The following ATP7B variants were observed in gnomAD, a reference collection of about 807,000 sequenced individuals.
The protein encoded by ATP7B is ATPase copper transporting beta, also known as copper-transporting ATPase 2.
A neutral mutation model predicts 118.9 loss-of-function variants in ATP7B; 113 were observed. The ratio of observed to expected loss-of-function variants is 0.95; its 90% CI spans 0.82 to 1.11. The LOEUF (loss-of-function observed/expected upper bound fraction) is 1.11, where lower values mean the gene tolerates loss of function less well. Among genes scored for constraint, ATP7B ranks in the 50% most tolerant of loss-of-function variants. The pLI is 0.00. For missense variants in ATP7B, 1,867 were observed against 1,871.4 expected, an observed-to-expected ratio of 1.00 and a Z score of 0.04; for synonymous variants, 777 against 727.4, an observed-to-expected ratio of 1.07 and a Z score of -1.10.
intron 1 of ATP7B, among the ~76,000 whole-genome samples, chr13:51,986,606 G>C (rs1162981219): frequency 1.3e-5 from 2 of 152,024 alleles, no homozygotes; most frequent in Non-Finnish European, 1.5e-5. Flanking sequence ...TGCAGAGATA[G>C]AACAAAAAAA....
chr13:52,004,422 C>A (rs1953676995), intron 1 of ATP7B, among the ~76,000 whole-genome samples: 1 of 152,200 alleles, frequency 6.6e-6, no homozygotes, highest in Non-Finnish European at 1.5e-5. Flanking sequence ...AATCAGGAAG[C>A]AATTAGGCTG....
intron 1 of ATP7B, among the ~76,000 whole-genome samples, chr13:51,989,239 T>C (rs997190919): frequency 3.3e-5 from 5 of 152,184 alleles, no homozygotes; most frequent in African/African-American, 4.8e-5. Context: ...AGCCCTTCAC[T>C]CTGGCCTTGA....
intron 1 of ATP7B, among the ~76,000 whole-genome samples, chr13:52,009,149 A>C (rs1223054250): frequency 6.6e-6 from 1 of 152,208 alleles, no homozygotes; most frequent in Non-Finnish European, 1.5e-5. Flanking sequence ...CTAGTACCTG[A>C]AATAAAGCTA....
At chr13:51,935,082 T>G in intron 20 of ATP7B, 53 bp from the exon 21 acceptor site, 1 of 1,606,594 alleles carries the variant, frequency 6.2e-7, no homozygotes, top group South Asian at 1.1e-5. Context: ...CAAGGCTTTT[T>G]TTTTTTCTAA....
At chr13:51,955,787 G>A (rs7318939) in intron 9 of ATP7B, among the ~76,000 whole-genome samples, 83,615 of 148,812 alleles carry the variant, frequency 0.56, 23,397 homozygotes, top group Middle Eastern at 0.63. Flanking sequence ...TATAAGAGAA[G>A]AAAAAAAAAA....
At chr13:51,955,289 G>C (rs1221505136) in intron 9 of ATP7B, among the ~76,000 whole-genome samples, 1 of 152,160 alleles carries the variant, frequency 6.6e-6, no homozygotes, top group South Asian at 2.1e-4. Context: ...TGAGCTCAGG[G>C]GAGGCCTAGA....
intron 1 of ATP7B, chr13:51,995,194 T>C (rs1466882521): frequency 1.4e-6 from 1 of 709,820 alleles, no homozygotes; most frequent in Non-Finnish European, 1.7e-6. Context: ...ATTCACACTC[T>C]CATTCCGCTC....
At chr13:51,972,800 G>C (rs1951904408) in intron 2 of ATP7B, among the ~76,000 whole-genome samples, 1 of 152,046 alleles carries the variant, frequency 6.6e-6, no homozygotes, top group South Asian at 2.1e-4. Flanking sequence ...AAGAGTTCAA[G>C]ACCAGCCTGG....
chr13:51,985,435 C>T (rs1037702842), intron 1 of ATP7B, among the ~76,000 whole-genome samples: 4 of 152,164 alleles, frequency 2.6e-5, no homozygotes, highest in Non-Finnish European at 5.9e-5. Flanking sequence ...TAGAGACCTA[C>T]AAAAAGACTT....
intron 1 of ATP7B, among the ~76,000 whole-genome samples, chr13:52,004,547 G>A (rs1345565861): frequency 6.6e-6 from 1 of 152,188 alleles, no homozygotes; most frequent in Non-Finnish European, 1.5e-5. Context: ...TCTAACTAGA[G>A]ACTTCATCAA....
In ATP7B at chr13:51,974,426, C is replaced by T; in HGVS notation, c.794G>A (p.Gly265Glu). Residue 265 changes from glycine (G) to glutamate (E), a missense_variant, in exon 2 of 21, where the codon GGA (glycine) becomes GAA (glutamate). Coordinates refer to ENST00000242839, the MANE Select transcript of ATP7B (RefSeq NM_000053.4). ...CAAGACGCAAGACTTACAATGCATTCCATCTATTCTCAGTTGGAGGGTGAC... is the reference window on the plus strand; with the variant it reads ...CAAGACGCAAGACTTACAATGCATTTCATCTATTCTCAGTTGGAGGGTGAC... ...HVVTLQLRID[G>E]MHCKSCVLNI... 6.2e-7 allele frequency: 1 copy of T among 1,613,996 alleles called. No homozygotes were observed. The highest frequency in any genetic ancestry group is 1.6e-4 in the Middle Eastern group (1 of 6,062).
intron 1 of ATP7B, chr13:51,975,671 GTGTC>G (rs1483652538): frequency 4.4e-6 from 2 of 453,266 alleles, no homozygotes; most frequent in Non-Finnish European, 8.9e-6. Context: ...CTTTCTAGGG[GTGTC>G]TGTCTGATTA....
intron 12 of ATP7B, 157 bp from the exon 13 acceptor site, chr13:51,946,635 A>G: frequency 2.5e-6 from 2 of 809,274 alleles, no homozygotes; most frequent in Non-Finnish European, 4.1e-6. Flanking sequence ...GCCATCATAG[A>G]GAACACGTTA....
chr13:51,986,531 T>C (rs9535817), intron 1 of ATP7B, among the ~76,000 whole-genome samples: 63,016 of 151,872 alleles, frequency 0.41, 14,786 homozygotes, highest in East Asian at 0.53. Flanking sequence ...TTCCAAACAA[T>C]AGAAAAAGAG....
rs533347275 is a variant in ATP7B at position 52,010,219 on chromosome 13, C to T, written c.51+1068G>A. 3.9e-5 allele frequency among the ~76,000 whole-genome samples: 6 copies of T among 152,336 alleles called. No individual in the cohort carries two copies. In the South Asian group the frequency reaches 8.3e-4, roughly 21 times the overall value. On this transcript the variant is annotated intron_variant, in intron 1 of 20. Transcript: ENST00000242839. The stretch of plus-strand genomic sequence containing the variant: ...CTACAAACCACCTACTAACCAGCCT[C>T]TCTCTGTCTGTCCACTAATCCGTTA...
At chr13:51,941,556 T>C (rs114708737) in intron 15 of ATP7B, among the ~76,000 whole-genome samples, 1,803 of 152,302 alleles carry the variant, frequency 0.012, 46 homozygotes, top group African/African-American at 0.042. Context: ...ACTCAGGTAT[T>C]TGCCCAGCAC....
At chr13:51,957,171 T>G (rs1958401813) in intron 9 of ATP7B, among the ~76,000 whole-genome samples, 1 of 152,196 alleles carries the variant, frequency 6.6e-6, no homozygotes, top group South Asian at 2.1e-4. Flanking sequence ...AGTCCTTATC[T>G]CTCTGCCTGT....
Position 51,974,349 on chromosome 13 carries a change from A to G in ATP7B, c.871T>C (p.Ser291Pro). 6.2e-7 allele frequency: 1 copy of G among 1,614,078 alleles called. No individual in the cohort carries two copies. Among genetic ancestry groups the G allele is most frequent in the South Asian group, 1.1e-5 (1 of 91,082 alleles). Residue 291 changes from serine (S) to proline (P), a missense_variant, in exon 2 of 21, where the codon TCC (serine) becomes CCC (proline). Coordinates refer to ENST00000242839, the MANE Select transcript of ATP7B (RefSeq NM_000053.4). Reference sequence around the variant, plus strand: ...ACTTGGGCAGTTTTGTTCTCCAAGGACACTTGAATACTTTGAACCCCTAGG... The same window carrying G: ...ACTTGGGCAGTTTTGTTCTCCAAGGGCACTTGAATACTTTGAACCCCTAGG... Reference protein sequence around the residue: ...QLLGVQSIQVSLENKTAQVKY... With the variant: ...QLLGVQSIQVPLENKTAQVKY...
chr13:51,981,488 G>C (rs989754896), intron 1 of ATP7B, among the ~76,000 whole-genome samples: 1 of 152,156 alleles, frequency 6.6e-6, no homozygotes, highest in Non-Finnish European at 1.5e-5. Context: ...TCTGGACCAC[G>C]TACATCCTGA....
Sources: allele counts gnomAD v4.1 joint callset (sites outside exome capture counted in the v4.1 genomes callset), GRCh38; gene constraint gnomAD v4.1.1; transcripts MANE v1.5; gene names NCBI Gene and HGNC (gene_info 2026-07-23, HGNC 2026-07-21).